Variants in TP63 observed in about 807,000 individuals in gnomAD.
TP63 encodes the protein tumor protein 63.
Under a neutral mutation model 82.8 loss-of-function variants are expected in TP63, and 17 were observed. That is an observed-to-expected ratio of 0.21 (90% CI 0.14 to 0.31). The LOEUF is 0.31. Ranked by LOEUF, TP63 falls within the 10% of genes least tolerant of loss-of-function variation. TP63 has a pLI of 1.00. For synonymous variants in TP63, 330 were observed against 321.7 expected, an observed-to-expected ratio of 1.03 and a Z score of -0.28; for missense variants, 648 against 895.3, an observed-to-expected ratio of 0.72 and a Z score of 3.52.
chr3:189,755,673 A>G (rs76738198), intron 3 of TP63, among the ~76,000 whole-genome samples: 7,566 of 152,286 alleles, frequency 0.05, 339 homozygotes, highest in East Asian at 0.24. Context: ...GTAAAATTGT[A>G]TAAACATGAG....
At position 189,778,479 on chromosome 3, in the gene TP63, A is replaced by G. The variant is rs573365526; in HGVS notation, c.325-29793A>G. 1.7e-3 allele frequency among the ~76,000 whole-genome samples: 260 copies of G among 152,322 alleles called. 1 individual carries two copies. The highest frequency in any genetic ancestry group is 6.0e-3 in the African/African-American group (248 of 41,576). On this transcript the variant is annotated intron_variant, in intron 3 of 13. Coordinates refer to ENST00000264731, the MANE Select transcript of TP63 (RefSeq NM_003722.5). ...ATCTTTCCTATTATGTGAACCAGTAAACATTTTTGACCTTTTCCATTCTAG... is the reference window on the plus strand; with the variant it reads ...ATCTTTCCTATTATGTGAACCAGTAGACATTTTTGACCTTTTCCATTCTAG...
intron 4 of TP63, among the ~76,000 whole-genome samples, chr3:189,861,725 T>C (rs1481336797): frequency 6.6e-6 from 1 of 152,138 alleles, no homozygotes. Flanking sequence ...TCGGTAAGCA[T>C]TGTAATTGAT....
intron 4 of TP63, among the ~76,000 whole-genome samples, chr3:189,838,907 A>G (rs67906287): frequency 0.22 from 32,675 of 151,848 alleles, 4,203 homozygotes; most frequent in Admixed American, 0.35. Context: ...GCCTTGAACT[A>G]AATTTATCTC....
At chr3:189,607,447 AT>A in the TP63 span, among the ~76,000 whole-genome samples, 1 of 152,188 alleles carries the variant, frequency 6.6e-6, no homozygotes, top group African/African-American at 2.4e-5. Context: ...GAAAAAGGTT[AT>A]TTGTGAGAAG....
intron 10 of TP63, among the ~76,000 whole-genome samples, chr3:189,885,404 T>C (rs1253539384): frequency 6.6e-6 from 1 of 152,208 alleles, no homozygotes; most frequent in Non-Finnish European, 1.5e-5. Flanking sequence ...ATCTGACTCA[T>C]GCAGCAAGTG....
At chr3:189,674,787 A>G (rs1283891272) in intron 1 of TP63, among the ~76,000 whole-genome samples, 5 of 152,168 alleles carry the variant, frequency 3.3e-5, no homozygotes, top group Admixed American at 2.0e-4. Flanking sequence ...GCAGATCTGA[A>G]CTAGCACAGA....
rs1724933935 is a variant in TP63, at chr3:189,789,733, G to GGT, written c.325-18539_325-18538insGT. 6 of 1,539,678 alleles carry GGT rather than the reference G, an allele frequency of 3.9e-6. No homozygotes were observed. The Admixed American group carries it at 1.2e-4, about 32-fold the overall frequency. On this transcript the variant is annotated intron_variant, in intron 3 of 13. Transcript: ENST00000264731. ...AGATTCATATTGTAAGGGTCTCGGGGTGGGGGGGTTGGCAAAATCCTGGAG... is the reference window on the plus strand; with the variant it reads ...AGATTCATATTGTAAGGGTCTCGGGGGTTGGGGGGGTTGGCAAAATCCTGGAG...
intron 3 of TP63, among the ~76,000 whole-genome samples, chr3:189,754,715 C>G (rs1057470167): frequency 4.6e-5 from 7 of 152,166 alleles, no homozygotes; most frequent in African/African-American, 1.7e-4. Flanking sequence ...TTAAGTCTGA[C>G]ACCAATATCA....
intron 13 of TP63, 101 bp downstream of exon 13, chr3:189,890,983 T>G: frequency 8.9e-7 from 1 of 1,125,656 alleles, no homozygotes. Flanking sequence ...AAAATTTGTT[T>G]TTGTCATGCC....
At chr3:189,621,106 G>A in the TP63 span, among the ~76,000 whole-genome samples, 5 of 152,116 alleles carry the variant, frequency 3.3e-5, no homozygotes, top group East Asian at 1.9e-4. Flanking sequence ...GTTATTTCTT[G>A]TAGGTTAATA....
At chr3:189,767,564 A>G (rs1723044179) in intron 3 of TP63, among the ~76,000 whole-genome samples, 2 of 152,184 alleles carry the variant, frequency 1.3e-5, no homozygotes, top group Admixed American at 1.3e-4. Context: ...CAGAATTTGA[A>G]TCAATCTGAA....
chr3:189,599,508 T>A, the TP63 span, among the ~76,000 whole-genome samples: 1 of 152,206 alleles, frequency 6.6e-6, no homozygotes, highest in Non-Finnish European at 1.5e-5. Flanking sequence ...ATTAATAATA[T>A]TCTTTCTTAC....
intron 3 of TP63, among the ~76,000 whole-genome samples, chr3:189,785,773 C>T (rs184833856): frequency 1.3e-5 from 2 of 152,074 alleles, no homozygotes; most frequent in African/African-American, 4.8e-5. Context: ...CACTGGGACA[C>T]CCTGAGGAGT....
intron 12 of TP63, 97 bp from the exon 13 acceptor site, chr3:189,890,692 G>A (rs1720927293): frequency 2.6e-6 from 3 of 1,163,474 alleles, no homozygotes; most frequent in Admixed American, 1.9e-5. Flanking sequence ...GGGCATCCAA[G>A]GGCAAAATAT....
intron 1 of TP63, among the ~76,000 whole-genome samples, chr3:189,665,175 T>G (rs1329311697): frequency 2.0e-5 from 3 of 152,154 alleles, no homozygotes; most frequent in Non-Finnish European, 4.4e-5. Flanking sequence ...GTGGTTTTCT[T>G]CACTCTGTGT....
At chr3:189,707,690 AT>A (rs2108749760) in intron 1 of TP63, among the ~76,000 whole-genome samples, 1 of 152,312 alleles carries the variant, frequency 6.6e-6, no homozygotes, top group African/African-American at 2.4e-5. Context: ...AAACAATATT[AT>A]TCTAAATGTT....
chr3:189,694,192 G>A (rs945321038), intron 1 of TP63, among the ~76,000 whole-genome samples: 3 of 152,108 alleles, frequency 2.0e-5, no homozygotes, highest in African/African-American at 7.2e-5. Context: ...TCTTAGAACA[G>A]TATACAATTT....
chr3:189,781,053 G>A (rs1724191960), intron 3 of TP63, among the ~76,000 whole-genome samples: 1 of 152,096 alleles, frequency 6.6e-6, no homozygotes, highest in Non-Finnish European at 1.5e-5. Flanking sequence ...GGCCCAGAAA[G>A]GACTTTAGAA....
At chr3:189,727,264 C>T (rs1719838993) in intron 1 of TP63, among the ~76,000 whole-genome samples, 1 of 152,194 alleles carries the variant, frequency 6.6e-6, no homozygotes, top group Non-Finnish European at 1.5e-5. Context: ...TTGTTCAGAA[C>T]TGTCATCAGA....
Sources: gnomAD v4.1 joint callset for allele counts (sites outside exome capture counted in the v4.1 genomes callset) on GRCh38, gnomAD v4.1.1 for gene constraint, MANE v1.5 for transcripts, NCBI Gene and HGNC (gene_info 2026-07-23, HGNC 2026-07-21) for gene names.